The following NPC1 variants were observed in gnomAD, a reference collection of about 807,000 sequenced individuals.
NPC1 encodes the protein Niemann-Pick C1 protein.
In NPC1, 85 loss-of-function variants were observed where a neutral mutation model predicts 140.4. The ratio of observed to expected loss-of-function variants is 0.61; its 90% CI spans 0.51 to 0.72. NPC1 has a LOEUF of 0.72. NPC1 is among the 30% of genes least tolerant of loss of function. The pLI, the probability that NPC1 is intolerant of heterozygous loss-of-function variation, is 0.00. For missense variants in NPC1, 1,504 were observed against 1,623.8 expected, an observed-to-expected ratio of 0.93 and a Z score of 1.27; for synonymous variants, 656 against 624.8, an observed-to-expected ratio of 1.05 and a Z score of -0.74.
chr18:23,568,746 A>G, intron 4 of NPC1, 77 bp downstream of exon 4: 1 of 1,173,120 alleles, frequency 8.5e-7, no homozygotes, highest in African/African-American at 1.5e-5. Flanking sequence ...CAGAGTTGAC[A>G]GGACAACTAA....
chr18:23,536,952 A>T, intron 20 of NPC1, 76 bp from the exon 21 acceptor site: 1 of 1,206,572 alleles, frequency 8.3e-7, no homozygotes, highest in South Asian at 1.3e-5. Flanking sequence ...CTTGAGGCTA[A>T]GCAAAATCAC....
At chr18:23,562,296 C>CAAAAAAAAAAAAAAAAAAAAA (rs11294706) in intron 4 of NPC1, among the ~76,000 whole-genome samples, 1 of 132,582 alleles carries the variant, frequency 7.5e-6, no homozygotes, top group Non-Finnish European at 1.7e-5. Context: ...CACAAAAAAA[C>CAAAAAAAAAAAAAAAAAAAAA]AAAAAAAAAA....
exon 4 of NPC1, chr18:23,506,616 A>G (rs2057723595): frequency 7.9e-6 from 2 of 251,682 alleles, no homozygotes; most frequent in South Asian, 8.4e-5. Context: ...GAGATGCACA[A>G]GTAGATAGTT....
intron 9 of NPC1, 103 bp downstream of exon 9, chr18:23,554,655 G>A: frequency 1.2e-6 from 1 of 803,812 alleles, no homozygotes; most frequent in Non-Finnish European, 2.1e-6. Flanking sequence ...AGGTCTTGTT[G>A]TTTGCTCACC....
intron 4 of NPC1, among the ~76,000 whole-genome samples, chr18:23,562,844 A>T (rs747221296): frequency 5.3e-5 from 8 of 152,170 alleles, no homozygotes; most frequent in Non-Finnish European, 8.8e-5. Context: ...AAAATAAAAA[A>T]AAATTAGCCA....
intron 23 of NPC1, chr18:23,533,870 T>C: frequency 8.2e-6 from 3 of 367,838 alleles, no homozygotes. Context: ...TAGCATCATC[T>C]ACTACCTAAC....
chr18:23,529,045 T>A (rs372928584), downstream of NPC1: 1 of 1,414,252 alleles, frequency 7.1e-7, no homozygotes, highest in African/African-American at 1.4e-5. Flanking sequence ...GAAAAAGTTG[T>A]ATCTAAGTAG....
chr18:23,564,071 A>C (rs2059085977), intron 4 of NPC1, among the ~76,000 whole-genome samples: 1 of 132,554 alleles, frequency 7.5e-6, no homozygotes, highest in African/African-American at 2.9e-5. Flanking sequence ...TGCAACCTCC[A>C]CTTCCCAGGC....
intron 1 of NPC1, among the ~76,000 whole-genome samples, chr18:23,583,194 A>C (rs1258399805): frequency 6.6e-6 from 1 of 151,868 alleles, no homozygotes; most frequent in Non-Finnish European, 1.5e-5. Flanking sequence ...ATTGCTCTTA[A>C]GGAGCCTGCA....
rs899764342 is a variant in NPC1, at chr18:23,568,842, G to C, written c.444C>G (p.Val148=). Residue 148 remains valine, a synonymous_variant, in exon 4 of 25, where the codon GTC becomes GTG. Transcript: ENST00000269228. ...ACTTACCATTGGCAAAACTCTGTCC[G>C]ACGTAGTATTGTAACTCTTTCACAT... is the stretch of plus-strand genomic sequence containing the variant. ...KTNVKELQYY[V]GQSFANAMYN... is the part of the protein sequence containing the mutation. 1 of 1,613,922 alleles carries C rather than the reference G, an allele frequency of 6.2e-7. No individual in the cohort carries two copies. Among genetic ancestry groups the C allele is most frequent in the East Asian group, 2.2e-5 (1 of 44,870 alleles).
intron 18 of NPC1, 153 bp from the exon 19 acceptor site, chr18:23,539,623 A>T (rs1056990623): frequency 1.3e-6 from 1 of 793,278 alleles, no homozygotes; most frequent in East Asian, 2.7e-5. Flanking sequence ...AAAAGCCTTC[A>T]AAGTATTAGG....
Position 23,543,572 on chromosome 18 carries a change from T to TA in NPC1, c.2131-4dup, listed in dbSNP as rs11299077. ...TCCCCTTGAAGACGTTCATCTCTCT[T>TA]AAAAAAAAAAAAAAAAAATTATGCG... On this transcript the variant is annotated splice_region_variant and splice_polypyrimidine_tract_variant and intron_variant, in intron 13 of 24. Coordinates refer to ENST00000269228, the MANE Select transcript of NPC1 (RefSeq NM_000271.5). 12,552 of 1,201,968 alleles carry TA rather than the reference T, an allele frequency of 0.01. No homozygotes were observed. The highest frequency in any genetic ancestry group is 0.013 in the Non-Finnish European group (10,915 of 841,588). The allele number at this position is 1,201,968 out of a possible 1,614,324, so 74.5% of individuals were successfully genotyped here. A position where few individuals can be genotyped will look rare whatever the true frequency, so the allele number is the denominator to read the frequency against.
intron 7 of NPC1, among the ~76,000 whole-genome samples, chr18:23,556,889 CT>C (rs1382260351): frequency 2.0e-5 from 3 of 152,246 alleles, no homozygotes; most frequent in Non-Finnish European, 1.5e-5. Context: ...CACTCTTGTC[CT>C]GCTGCTTTCG....
intron 18 of NPC1, 101 bp downstream of exon 18, chr18:23,539,698 AAACAACTTTTCC>A: frequency 7.9e-7 from 1 of 1,269,304 alleles, no homozygotes; most frequent in Admixed American, 1.9e-5. Context: ...TTTTGCATAA[AAACAACTTTTCC>A]AAGAAAGTCT....
chr18:23,538,131 C>T (rs774909081), intron 20 of NPC1, among the ~76,000 whole-genome samples: 5 of 152,116 alleles, frequency 3.3e-5, no homozygotes, highest in African/African-American at 7.2e-5. Flanking sequence ...CTAAAAGAAT[C>T]GCAACCTTAA....
In NPC1 at chr18:23,545,032, T is replaced by C. The variant is rs769227666; in HGVS notation, c.1875A>G (p.Val625=). ...ATAGAAACATGATGGCATAGCTAAT[T>C]ACAACGGTGAAGACATCACTGTCAC... ...RESDSDVFTV[V]ISYAIMFLYI... is the part of the protein sequence containing the mutation. The change falls in exon 12 of 25, where the codon GTA becomes GTG. Residue 625 remains valine, a synonymous_variant. Coordinates refer to ENST00000269228, the MANE Select transcript of NPC1 (RefSeq NM_000271.5). The C allele has an allele frequency of 3.7e-6, 6 of 1,603,194 alleles. No individual in the cohort carries two copies. The East Asian group carries it at 1.1e-4, about 30-fold the overall frequency.
intron 3 of NPC1, among the ~76,000 whole-genome samples, chr18:23,514,307 G>C (rs971455400): frequency 1.3e-5 from 2 of 152,228 alleles, no homozygotes; most frequent in African/African-American, 4.8e-5. Flanking sequence ...CTGAGGTCAG[G>C]AGTTCGAGAC....
downstream of NPC1, among the ~76,000 whole-genome samples, chr18:23,517,346 C>A (rs1414355054): frequency 6.6e-6 from 1 of 152,038 alleles, no homozygotes; most frequent in African/African-American, 2.4e-5. Context: ...GACAGGGTTT[C>A]ACCATGTTGG....
Position 23,586,326 on chromosome 18 carries a change from C to CAGGCCGCGAGCGGTCATGCTG in NPC1, c.-4_17dup (p.Leu6_Ala7insSerMetThrAlaArgGlyLeu). 1 of 1,534,092 alleles carries CAGGCCGCGAGCGGTCATGCTG rather than the reference C, an allele frequency of 6.5e-7. No individual in the cohort carries two copies. Among genetic ancestry groups the CAGGCCGCGAGCGGTCATGCTG allele is most frequent in the South Asian group, 1.2e-5 (1 of 83,900 alleles). The stretch of plus-strand genomic sequence containing the variant: ...GTAGCAGCAGGAGGAGGCCAAGGGC[C>CAGGCCGCGAGCGGTCATGCTG]AGGCCGCGAGCGGTCATGCTGTGGC... On this transcript the variant is annotated inframe_insertion, in exon 1 of 25. Transcript: ENST00000269228.
Sources: gnomAD v4.1 joint callset for allele counts (sites outside exome capture counted in the v4.1 genomes callset) on GRCh38, gnomAD v4.1.1 for gene constraint, MANE v1.5 for transcripts, NCBI Gene and HGNC (gene_info 2026-07-23, HGNC 2026-07-21) for gene names.